The following SAMSN1 variants were observed in gnomAD, a reference collection of about 807,000 sequenced individuals.
SAMSN1 encodes the protein SAM domain, SH3 domain and nuclear localization signals 1.
SAMSN1 carries 31 observed loss-of-function variants against 42.0 expected under a neutral mutation model. The ratio of observed to expected loss-of-function variants is 0.74; its 90% CI spans 0.55 to 1.00. The LOEUF is 1.00. Ranked by LOEUF, SAMSN1 falls within the 50% of genes least tolerant of loss-of-function variation. The pLI is 0.00. For synonymous variants in SAMSN1, 178 were observed against 151.9 expected, an observed-to-expected ratio of 1.17 and a Z score of -1.26; for missense variants, 464 against 439.4, an observed-to-expected ratio of 1.06 and a Z score of -0.50.
intron 1 of SAMSN1, among the ~76,000 whole-genome samples, chr21:14,657,577 C>A (rs577669945): frequency 6.6e-6 from 1 of 151,896 alleles, no homozygotes; most frequent in South Asian, 2.1e-4. Context: ...AGAAAGCAAT[C>A]GTCTTTGGTG....
At chr21:14,636,511 C>G (rs762155714) in intron 2 of SAMSN1, among the ~76,000 whole-genome samples, 2 of 152,166 alleles carry the variant, frequency 1.3e-5, no homozygotes, top group Non-Finnish European at 2.9e-5. Context: ...TCATCTTCCT[C>G]ATTGGTAAAT....
intron 2 of SAMSN1, among the ~76,000 whole-genome samples, chr21:14,560,799 A>T (rs896994126): frequency 6.6e-6 from 1 of 152,168 alleles, no homozygotes; most frequent in Admixed American, 6.5e-5. Flanking sequence ...AAATGTATAC[A>T]TGCTCGCCTT....
intron 2 of SAMSN1, among the ~76,000 whole-genome samples, chr21:14,637,633 A>G (rs1228972934): frequency 6.6e-6 from 1 of 152,154 alleles, no homozygotes; most frequent in Non-Finnish European, 1.5e-5. Flanking sequence ...GATTTTGTGT[A>G]TCAACTCCCT....
intron 1 of SAMSN1, among the ~76,000 whole-genome samples, chr21:14,656,107 C>A (rs1159758462): frequency 1.3e-5 from 2 of 151,632 alleles, no homozygotes; most frequent in African/African-American, 4.8e-5. Flanking sequence ...GATGAAAAGA[C>A]CTAGCACCAT....
intron 6 of SAMSN1, among the ~76,000 whole-genome samples, chr21:14,601,712 G>C (rs1982436290): frequency 6.6e-6 from 1 of 152,128 alleles, no homozygotes; most frequent in Non-Finnish European, 1.5e-5. Flanking sequence ...TTATATAAGT[G>C]TTTAGCATAG....
upstream of SAMSN1, chr21:14,546,441 A>T: frequency 9.7e-7 from 1 of 1,031,872 alleles, no homozygotes; most frequent in South Asian, 2.3e-5. Context: ...TTTTTCTTAC[A>T]GTAATTCTTT....
At chr21:14,619,467 A>T (rs542590098) in intron 2 of SAMSN1, among the ~76,000 whole-genome samples, 2 of 152,242 alleles carry the variant, frequency 1.3e-5, no homozygotes, top group South Asian at 4.1e-4. Flanking sequence ...CTCATTTACG[A>T]TCAAGCATAT....
At position 14,512,434 on chromosome 21, in the gene SAMSN1, T is replaced by C. The variant is rs1422209875; in HGVS notation, c.409+10A>G. The C allele has an allele frequency of 2.5e-6, 4 of 1,613,200 alleles. No individual in the cohort carries two copies. The African/African-American group carries it at 4.0e-5, about 16-fold the overall frequency. ...CACCCAGGATCTTGTCCCTGATTCA[T>C]TAGCCTTACTTGATGAGCTCTGTCC... On this transcript the variant is annotated intron_variant, in intron 4 of 7. Transcript: ENST00000400566.
chr21:14,649,590 T>C (rs1216124771), intron 1 of SAMSN1, among the ~76,000 whole-genome samples: 3 of 152,000 alleles, frequency 2.0e-5, no homozygotes, highest in Admixed American at 6.6e-5. Context: ...AAAAACCTGG[T>C]TAAACCCCAT....
intron 2 of SAMSN1, among the ~76,000 whole-genome samples, chr21:14,629,595 C>A (rs1477197744): frequency 6.6e-6 from 1 of 152,220 alleles, no homozygotes; most frequent in Non-Finnish European, 1.5e-5. Context: ...ATTCTGCTTT[C>A]TCTAAGAGGG....
intron 2 of SAMSN1, among the ~76,000 whole-genome samples, chr21:14,571,408 A>G (rs1381096199): frequency 1.3e-5 from 2 of 152,168 alleles, no homozygotes; most frequent in African/African-American, 4.8e-5. Flanking sequence ...CATATTTCTA[A>G]TCCAATTATT....
chr21:14,581,132 C>G (rs903590274), intron 2 of SAMSN1, among the ~76,000 whole-genome samples: 2 of 151,928 alleles, frequency 1.3e-5, no homozygotes, highest in African/African-American at 4.8e-5. Context: ...AGAGAGCATA[C>G]TCTTTCTCAC....
At chr21:14,619,455 G>T (rs1302084978) in intron 2 of SAMSN1, among the ~76,000 whole-genome samples, 3 of 152,142 alleles carry the variant, frequency 2.0e-5, no homozygotes, top group Admixed American at 6.5e-5. Flanking sequence ...ATGATAAATG[G>T]ACTCATTTAC....
chr21:14,582,331 G>T lies in SAMSN1; in HGVS notation c.66C>A (p.Asn22Lys), dbSNP rs144978524. The T allele has an allele frequency of 7.7e-6, 12 of 1,550,330 alleles. No homozygotes were observed. In the African/African-American group the frequency reaches 1.6e-4, roughly 21 times the overall value. The change falls in exon 2 of 9, where the codon AAC (asparagine) becomes AAA (lysine). Residue 22 changes from asparagine (N) to lysine (K), a missense_variant. Physicochemically the swap from Asn to Lys is moderately conservative, Grantham distance 94 (BLOSUM62 0). Coordinates refer to the SAMSN1 transcript ENST00000285670. ...CATACCAAGCTAATTTATCTTCCAAGTTGCAGTTATTTAAAGTGCTGGATC... is the reference window on the plus strand; with the variant it reads ...CATACCAAGCTAATTTATCTTCCAATTTGCAGTTATTTAAAGTGCTGGATC...
intron 1 of SAMSN1, chr21:14,582,585 T>A: frequency 2.0e-6 from 1 of 492,852 alleles, no homozygotes; most frequent in South Asian, 4.6e-5. Context: ...TACACTGCAA[T>A]GGATAAACCA....
rs1307838807 is a variant in SAMSN1 at position 14,644,174 on chromosome 21, T to G, written c.25-1041A>C. Among the ~76,000 whole-genome samples, 7 of 152,206 alleles carry G rather than the reference T, an allele frequency of 4.6e-5. 1 individual carries two copies. The East Asian group carries it at 1.4e-3, about 29-fold the overall frequency. On this transcript the variant is annotated intron_variant, in intron 1 of 15. Transcript: ENST00000647101. The stretch of plus-strand genomic sequence containing the variant: ...TAGACTGAGGGGGCATGTAACACAC[T>G]GAGACACCGGTTGGGGCAGCCAAGG...
At chr21:14,510,579 T>C in intron 4 of SAMSN1, 118 bp from the exon 5 acceptor site, 1 of 1,156,380 alleles carries the variant, frequency 8.6e-7, no homozygotes, top group Non-Finnish European at 1.3e-6. Context: ...CCTGAGGAAG[T>C]TCTAATTGAC....
chr21:14,524,540 A>T (rs1260329315), intron 1 of SAMSN1, among the ~76,000 whole-genome samples: 2 of 152,156 alleles, frequency 1.3e-5, no homozygotes, highest in African/African-American at 4.8e-5. Context: ...AATACCTATA[A>T]AGGGAAATTT....
At chr21:14,532,396 C>G in intron 1 of SAMSN1, among the ~76,000 whole-genome samples, 1 of 151,996 alleles carries the variant, frequency 6.6e-6, no homozygotes, top group East Asian at 1.9e-4. Context: ...TATGTCATCC[C>G]AAATAGAGGA....
Sources: gnomAD v4.1 joint callset for allele counts (sites outside exome capture counted in the v4.1 genomes callset) on GRCh38, gnomAD v4.1.1 for gene constraint, MANE v1.5 for transcripts, NCBI Gene and HGNC (gene_info 2026-07-23, HGNC 2026-07-21) for gene names.